CNTNAP5: variants seen among roughly 807,000 people sequenced by gnomAD.
CNTNAP5 encodes the protein contactin associated protein family member 5.
In CNTNAP5, 72 loss-of-function variants were observed where a neutral mutation model predicts 150.2. The ratio of observed to expected loss-of-function variants is 0.48; its 90% confidence interval spans 0.40 to 0.58. The LOEUF (loss-of-function observed/expected upper bound fraction) is 0.58. CNTNAP5 is among the 20% of genes least tolerant of loss of function. The pLI is 0.00. For missense variants in CNTNAP5, 1,636 were observed against 1,626.2 expected, an observed-to-expected ratio of 1.01 and a Z score of -0.10; for synonymous variants, 672 against 619.8, an observed-to-expected ratio of 1.08 and a Z score of -1.25.
At chr2:124,301,167 A>T (rs1688560543) in intron 3 of CNTNAP5, among the ~76,000 whole-genome samples, 2 of 152,186 alleles carry the variant, frequency 1.3e-5, no homozygotes, top group African/African-American at 4.8e-5. Context: ...TTTTGCTTTC[A>T]TGATGGATTA....
intron 3 of CNTNAP5, among the ~76,000 whole-genome samples, chr2:124,277,659 C>T (rs1405330645): frequency 6.6e-6 from 1 of 152,054 alleles, no homozygotes; most frequent in Non-Finnish European, 1.5e-5. Flanking sequence ...GCCATTTCAA[C>T]CATCTGTCAA....
chr2:124,835,968 T>G (rs193269762), intron 19 of CNTNAP5, among the ~76,000 whole-genome samples: 69 of 152,150 alleles, frequency 4.5e-4, no homozygotes, highest in Middle Eastern at 3.4e-3. Context: ...GTTCCAGTCT[T>G]TTAGTTAGAT....
intron 1 of CNTNAP5, among the ~76,000 whole-genome samples, chr2:124,064,581 C>T (rs115951405): frequency 1.4e-3 from 210 of 152,174 alleles, no homozygotes; most frequent in African/African-American, 4.6e-3. Context: ...CTCTATCATG[C>T]GAATCTTATA....
intron 13 of CNTNAP5, among the ~76,000 whole-genome samples, chr2:124,705,032 T>G (rs1386584311): frequency 6.7e-6 from 1 of 149,346 alleles, no homozygotes. Context: ...ATTTTTGCTT[T>G]TTTTCTTAGT....
In CNTNAP5 at chr2:124,719,337, G is replaced by T. The variant is rs375601334; in HGVS notation, c.2078-27892G>T. On this transcript the variant is annotated intron_variant, in intron 13 of 23. Coordinates refer to ENST00000682447, the MANE Select transcript of CNTNAP5 (RefSeq NM_001367498.1). ...TTGTCTCTTGTAGTATGCACACAAAGATTTTTAATTCTGTGGCTGACATAC... is the reference window on the plus strand; with the variant it reads ...TTGTCTCTTGTAGTATGCACACAAATATTTTTAATTCTGTGGCTGACATAC... Among the ~76,000 whole-genome samples, 253 of 152,238 alleles carry T rather than the reference G, an allele frequency of 1.7e-3. 3 individuals carry two copies. The highest frequency in any genetic ancestry group is 5.7e-3 in the African/African-American group (238 of 41,536).
At chr2:124,445,235 G>A (rs1470275411) in intron 5 of CNTNAP5, among the ~76,000 whole-genome samples, 2 of 151,640 alleles carry the variant, frequency 1.3e-5, no homozygotes, top group Admixed American at 6.6e-5. Flanking sequence ...GATTACAGGC[G>A]CCCATCACCT....
At chr2:124,306,564 G>T (rs556788752) in intron 3 of CNTNAP5, among the ~76,000 whole-genome samples, 1 of 152,100 alleles carries the variant, frequency 6.6e-6, no homozygotes. Flanking sequence ...CACACAGATG[G>T]CATGAGCTAA....
At chr2:124,220,219 G>A (rs549052416) in intron 1 of CNTNAP5, among the ~76,000 whole-genome samples, 1 of 151,850 alleles carries the variant, frequency 6.6e-6, no homozygotes, top group African/African-American at 2.4e-5. Flanking sequence ...AAACTAAACG[G>A]CACATTTTAA....
intron 19 of CNTNAP5, among the ~76,000 whole-genome samples, chr2:124,855,167 C>CTTTTTTTT (rs70999224): frequency 2.8e-5 from 2 of 71,482 alleles, no homozygotes; most frequent in Non-Finnish European, 5.6e-5. Context: ...TGGGCTTTTG[C>CTTTTTTTT]TTTTTTTTTT....
chr2:124,080,753 A>G (rs1395479248), intron 1 of CNTNAP5, among the ~76,000 whole-genome samples: 1 of 152,206 alleles, frequency 6.6e-6, no homozygotes, highest in Middle Eastern at 3.2e-3. Context: ...AAATAATGCC[A>G]TTATAATTAT....
intron 11 of CNTNAP5, among the ~76,000 whole-genome samples, chr2:124,586,920 C>T (rs1284321427): frequency 6.6e-6 from 1 of 152,188 alleles, no homozygotes; most frequent in Non-Finnish European, 1.5e-5. Flanking sequence ...GCTCCTACCT[C>T]TGTGAAGGGG....
chr2:124,716,609 AT>A (rs1241495767), intron 13 of CNTNAP5, among the ~76,000 whole-genome samples: 45 of 151,896 alleles, frequency 3.0e-4, no homozygotes, highest in African/African-American at 9.6e-4. Context: ...AAAACTTTAT[AT>A]TTCTCTATAC....
chr2:124,201,002 C>T (rs1229213094), intron 1 of CNTNAP5, among the ~76,000 whole-genome samples: 3 of 152,190 alleles, frequency 2.0e-5, no homozygotes, highest in East Asian at 3.8e-4. Context: ...ATCTGTTTCA[C>T]CCTAAGGAAA....
chr2:124,047,575 T>A (rs1490279056), intron 1 of CNTNAP5, among the ~76,000 whole-genome samples: 2 of 152,206 alleles, frequency 1.3e-5, no homozygotes, highest in African/African-American at 2.4e-5. Flanking sequence ...CCCAATCAAG[T>A]AGTAAGGCTG....
chr2:124,513,962 G>GC (rs1256110255), intron 8 of CNTNAP5, among the ~76,000 whole-genome samples: 1 of 152,170 alleles, frequency 6.6e-6, no homozygotes, highest in Non-Finnish European at 1.5e-5. Context: ...TGACGAGGCC[G>GC]CAAGCTTCAT....
chr2:124,511,412 T>A (rs1158491289), intron 8 of CNTNAP5, among the ~76,000 whole-genome samples: 1 of 152,192 alleles, frequency 6.6e-6, no homozygotes, highest in Non-Finnish European at 1.5e-5. Flanking sequence ...TTTGTTTTTG[T>A]TTTTTGTAGT....
intron 21 of CNTNAP5, among the ~76,000 whole-genome samples, chr2:124,898,611 G>A (rs529226999): frequency 1.3e-4 from 19 of 151,622 alleles, no homozygotes; most frequent in South Asian, 2.1e-4. Context: ...GCCCAAAAAC[G>A]TTAGTTTAAA....
intron 3 of CNTNAP5, among the ~76,000 whole-genome samples, chr2:124,319,932 T>C (rs1689058290): frequency 6.6e-6 from 1 of 152,226 alleles, no homozygotes; most frequent in Non-Finnish European, 1.5e-5. Context: ...TAGAATTTTT[T>C]GTTATTCTTT....
intron 1 of CNTNAP5, among the ~76,000 whole-genome samples, chr2:124,172,060 A>T (rs1017895121): frequency 1.3e-5 from 2 of 152,184 alleles, no homozygotes; most frequent in Non-Finnish European, 2.9e-5. Flanking sequence ...TTAGACTTTC[A>T]TAGTTTCCAT....
Sources: allele counts gnomAD v4.1 joint callset (sites outside exome capture counted in the v4.1 genomes callset), GRCh38; gene constraint gnomAD v4.1.1; transcripts MANE v1.5; gene names NCBI Gene and HGNC (gene_info 2026-07-23, HGNC 2026-07-21).